The following MACROD2 variants were observed in gnomAD, a reference collection of about 807,000 sequenced individuals.
The protein encoded by MACROD2 is ADP-ribose glycohydrolase MACROD2.
A neutral mutation model predicts 70.4 loss-of-function variants in MACROD2; 36 were observed. The ratio of observed to expected loss-of-function variants is 0.51; its 90% CI spans 0.39 to 0.68. MACROD2 has a LOEUF of 0.68. MACROD2 is among the 30% of genes least tolerant of loss of function. MACROD2 has a pLI of 0.00. For missense variants in MACROD2, 496 were observed against 538.4 expected, an observed-to-expected ratio of 0.92 and a Z score of 0.78; for synonymous variants, 172 against 178.8, an observed-to-expected ratio of 0.96 and a Z score of 0.30.
chr20:15,291,813 C>T (rs986033171), intron 6 of MACROD2, among the ~76,000 whole-genome samples: 4 of 151,854 alleles, frequency 2.6e-5, no homozygotes, highest in Non-Finnish European at 5.9e-5. Context: ...TCTTTGTTTC[C>T]AAAAATAAGA....
At chr20:14,971,885 A>G (rs1359649954) in intron 5 of MACROD2, among the ~76,000 whole-genome samples, 1 of 152,184 alleles carries the variant, frequency 6.6e-6, no homozygotes, top group Non-Finnish European at 1.5e-5. Flanking sequence ...CATGTTGGAC[A>G]TGCCTAGACC....
chr20:15,072,290 A>G (rs1434066000), intron 5 of MACROD2, among the ~76,000 whole-genome samples: 1 of 152,202 alleles, frequency 6.6e-6, no homozygotes, highest in Non-Finnish European at 1.5e-5. Context: ...CATAAAGCTT[A>G]GAATTGGCCT....
At position 14,999,224 on chromosome 20, in the gene MACROD2, C is replaced by G. The variant is rs545664861; in HGVS notation, c.419-230716C>G. The stretch of plus-strand genomic sequence containing the variant: ...CAAAACTCATTGGGAGTAGTAAGTA[C>G]ACAGACAAATGCAGAATAGTATAAC... On this transcript the variant is annotated intron_variant, in intron 5 of 17. Coordinates refer to ENST00000684519, the MANE Select transcript of MACROD2 (RefSeq NM_001351661.2). 3.9e-5 allele frequency among the ~76,000 whole-genome samples: 6 copies of G among 152,304 alleles called. No homozygotes were observed. In the South Asian group the frequency reaches 1.0e-3, roughly 26 times the overall value.
intron 10 of MACROD2, among the ~76,000 whole-genome samples, chr20:15,912,739 G>A (rs530635048): frequency 4.3e-4 from 66 of 152,134 alleles, no homozygotes; most frequent in African/African-American, 1.3e-3. Flanking sequence ...TGTTGGAACC[G>A]AGAATAAAAA....
At chr20:15,601,577 G>T (rs2048820380) in intron 8 of MACROD2, among the ~76,000 whole-genome samples, 1 of 152,148 alleles carries the variant, frequency 6.6e-6, no homozygotes, top group Admixed American at 6.5e-5. Flanking sequence ...GTTCTTCAAG[G>T]CCTGCTATCC....
intron 3 of MACROD2, among the ~76,000 whole-genome samples, chr20:14,317,528 A>T (rs1346931506): frequency 6.6e-6 from 1 of 151,656 alleles, no homozygotes; most frequent in Admixed American, 6.6e-5. Context: ...AGGCAGGAGA[A>T]TCGCTTGAAC....
chr20:15,138,778 TGTGA>T (rs1201257194), intron 5 of MACROD2, among the ~76,000 whole-genome samples: 2 of 152,322 alleles, frequency 1.3e-5, no homozygotes, highest in East Asian at 3.9e-4. Context: ...TGTTGAGGGC[TGTGA>T]GTGAGTTGGA....
chr20:15,740,857 A>G (rs568093920), intron 8 of MACROD2, among the ~76,000 whole-genome samples: 3 of 152,124 alleles, frequency 2.0e-5, no homozygotes, highest in African/African-American at 4.8e-5. Context: ...TTCAAATTGT[A>G]TTCATAATGT....
At chr20:14,694,358 A>G (rs2071097233) in intron 5 of MACROD2, among the ~76,000 whole-genome samples, 1 of 152,156 alleles carries the variant, frequency 6.6e-6, no homozygotes, top group Non-Finnish European at 1.5e-5. Flanking sequence ...TAGGAAAATT[A>G]CTTAATTTTT....
At chr20:15,077,412 A>T (rs1209320084) in intron 5 of MACROD2, among the ~76,000 whole-genome samples, 1 of 152,176 alleles carries the variant, frequency 6.6e-6, no homozygotes, top group Non-Finnish European at 1.5e-5. Context: ...TCATTTCTGG[A>T]ACCATATTTT....
intron 4 of MACROD2, among the ~76,000 whole-genome samples, chr20:14,513,394 A>C (rs6033974): frequency 0.017 from 2,636 of 152,074 alleles, 73 homozygotes; most frequent in African/African-American, 0.06. Flanking sequence ...TGCTAATAAA[A>C]CCCTAAAGCA....
intron 8 of MACROD2, among the ~76,000 whole-genome samples, chr20:15,625,416 A>G (rs760740726): frequency 2.6e-5 from 4 of 152,204 alleles, no homozygotes; most frequent in Non-Finnish European, 5.9e-5. Flanking sequence ...GGATATGGAA[A>G]GGTCAATGGC....
chr20:14,292,598 GA>G (rs1218048840), intron 3 of MACROD2, among the ~76,000 whole-genome samples: 3 of 151,788 alleles, frequency 2.0e-5, no homozygotes, highest in East Asian at 1.9e-4. Flanking sequence ...CAGATCAGGT[GA>G]AAAAAACTAA....
rs374312949 is a variant in MACROD2, at chr20:15,022,059, A to G, written c.419-207881A>G. Among the ~76,000 whole-genome samples the G allele has an allele frequency of 2.6e-5, 4 of 152,340 alleles. No homozygotes were observed. In the East Asian group the frequency reaches 7.7e-4, roughly 29 times the overall value. Reference sequence around the variant, plus strand: ...TGTGCCTATACATCTACTACTGTGCATGCAAACAAGCAAAGTTAGCAGGAA... The same window carrying G: ...TGTGCCTATACATCTACTACTGTGCGTGCAAACAAGCAAAGTTAGCAGGAA... On this transcript the variant is annotated intron_variant, in intron 5 of 17. Transcript: ENST00000684519.
chr20:15,635,247 A>G (rs2049345949), intron 8 of MACROD2, among the ~76,000 whole-genome samples: 1 of 152,252 alleles, frequency 6.6e-6, no homozygotes, highest in Non-Finnish European at 1.5e-5. Flanking sequence ...TTTACTGAGT[A>G]TCTATTAAAT....
At chr20:14,270,675 A>T (rs2122351497) in intron 3 of MACROD2, among the ~76,000 whole-genome samples, 1 of 152,076 alleles carries the variant, frequency 6.6e-6, no homozygotes, top group Middle Eastern at 3.4e-3. Context: ...TTCTCAACTC[A>T]ACTTTTTTTC....
chr20:14,989,239 T>A (rs2074878258), intron 5 of MACROD2, among the ~76,000 whole-genome samples: 1 of 152,154 alleles, frequency 6.6e-6, no homozygotes, highest in African/African-American at 2.4e-5. Context: ...GATAATGTTT[T>A]AAAAATAGAG....
intron 3 of MACROD2, among the ~76,000 whole-genome samples, chr20:14,470,333 G>A (rs1193921954): frequency 6.6e-6 from 1 of 152,086 alleles, no homozygotes; most frequent in African/African-American, 2.4e-5. Context: ...CCAGATGCTA[G>A]CCGGAGCTCT....
chr20:14,451,837 G>T (rs2084249175), intron 3 of MACROD2, among the ~76,000 whole-genome samples: 1 of 152,178 alleles, frequency 6.6e-6, no homozygotes, highest in African/African-American at 2.4e-5. Flanking sequence ...TGTCCATTTT[G>T]TGGACAAAGG....
Sources: allele counts gnomAD v4.1 joint callset (sites outside exome capture counted in the v4.1 genomes callset), GRCh38; gene constraint gnomAD v4.1.1; transcripts MANE v1.5; gene names NCBI Gene and HGNC (gene_info 2026-07-23, HGNC 2026-07-21).